Variants in ACOT13 observed in about 807,000 individuals in gnomAD.
ACOT13 encodes acyl-CoA thioesterase 13.
A neutral mutation model predicts 11.8 loss-of-function variants in ACOT13; 10 were observed. The ratio of observed to expected loss-of-function variants is 0.85; its 90% CI spans 0.53 to 1.44. The LOEUF (loss-of-function observed/expected upper bound fraction) is 1.44. ACOT13 is among the 40% of genes most tolerant of loss of function. The pLI, the probability that ACOT13 is intolerant of heterozygous loss-of-function variation, is 0.00. For missense variants in ACOT13, 172 were observed against 174.1 expected, an observed-to-expected ratio of 0.99 and a Z score of 0.07; for synonymous variants, 53 against 61.0, an observed-to-expected ratio of 0.87 and a Z score of 0.61.
At chr6:24,675,000 A>T (rs1404848314) in intron 1 of ACOT13, among the ~76,000 whole-genome samples, 1 of 150,180 alleles carries the variant, frequency 6.7e-6, no homozygotes, top group Non-Finnish European at 1.5e-5. Context: ...TCTTTCCTTG[A>T]AATAGTTTGC....
At chr6:24,700,278 G>C (rs920595753) in intron 2 of ACOT13, among the ~76,000 whole-genome samples, 3 of 152,148 alleles carry the variant, frequency 2.0e-5, no homozygotes, top group Non-Finnish European at 4.4e-5. Flanking sequence ...GTTAATGGCT[G>C]TTAGCCAAAA....
intron 1 of ACOT13, chr6:24,687,421 A>T: frequency 8.2e-7 from 1 of 1,221,470 alleles, no homozygotes; most frequent in Non-Finnish European, 1.0e-6. Context: ...GTGGAGGAAC[A>T]TACGTTGGGA....
intron 1 of ACOT13, among the ~76,000 whole-genome samples, chr6:24,667,827 C>G (rs1267079400): frequency 6.6e-6 from 1 of 152,200 alleles, no homozygotes; most frequent in African/African-American, 2.4e-5. Context: ...CACCCAACTC[C>G]TGAAGAAGTA....
At chr6:24,671,046 C>T (rs954371046) in intron 1 of ACOT13, among the ~76,000 whole-genome samples, 10 of 152,108 alleles carry the variant, frequency 6.6e-5, no homozygotes, top group Non-Finnish European at 1.5e-4. Context: ...TTGTGGAAGA[C>T]ACTGTGGTGA....
intron 1 of ACOT13, chr6:24,687,802 C>T: frequency 8.8e-7 from 1 of 1,136,978 alleles, no homozygotes. Flanking sequence ...ACCTCTGCCT[C>T]CCAGGTTCAA....
chr6:24,669,336 C>A (rs866015439), intron 1 of ACOT13, among the ~76,000 whole-genome samples: 3 of 152,132 alleles, frequency 2.0e-5, no homozygotes, highest in African/African-American at 7.2e-5. Context: ...TTCCAGGTCA[C>A]GGGTAGGTGG....
chr6:24,677,481 C>A (rs1289067098), intron 1 of ACOT13, among the ~76,000 whole-genome samples: 1 of 152,238 alleles, frequency 6.6e-6, no homozygotes, highest in East Asian at 1.9e-4. Flanking sequence ...TACCCGTAAA[C>A]AATGAGGCCA....
chr6:24,672,547 G>A (rs1214771269), intron 1 of ACOT13, among the ~76,000 whole-genome samples: 2 of 152,234 alleles, frequency 1.3e-5, no homozygotes, highest in Non-Finnish European at 2.9e-5. Flanking sequence ...GCTGAGGCAG[G>A]AGAATCGCTT....
At chr6:24,694,279 C>A (rs915342517) in intron 1 of ACOT13, among the ~76,000 whole-genome samples, 6 of 152,158 alleles carry the variant, frequency 3.9e-5, no homozygotes, top group Non-Finnish European at 8.8e-5. Flanking sequence ...GACCCCTTGA[C>A]ATCATAAAAG....
chr6:24,673,689 G>A (rs1282405360), intron 1 of ACOT13, among the ~76,000 whole-genome samples: 2 of 152,176 alleles, frequency 1.3e-5, no homozygotes, highest in Non-Finnish European at 1.5e-5. Context: ...TTAAGAGTAA[G>A]TTAACCCCTT....
chr6:24,701,236 T>G, intron 2 of ACOT13: 1 of 341,788 alleles, frequency 2.9e-6, no homozygotes, highest in Non-Finnish European at 5.2e-6. Context: ...GAAAACCTCT[T>G]CTCACATATT....
In ACOT13 at chr6:24,704,711, T is replaced by C. The variant is rs1279497935; in HGVS notation, c.*3096T>C. ...TGCTAACTGTTGAAAGCTGACAGTA[T>C]GTTCTTGATTCCTGTTCTTGTTGAA... On this transcript the variant is annotated 3_prime_UTR_variant, in exon 3 of 3. Coordinates refer to ENST00000230048, the MANE Select transcript of ACOT13 (RefSeq NM_018473.4). 1 of 152,246 alleles carries C rather than the reference T, an allele frequency of 6.6e-6. No individual in the cohort carries two copies. Among genetic ancestry groups the C allele is most frequent in the Non-Finnish European group, 1.5e-5 (1 of 68,038 alleles). 9.4% of individuals were successfully genotyped at this position (152,246 alleles called of 1,614,324 possible). A position where few individuals can be genotyped will look rare whatever the true frequency, so the allele number is the denominator to read the frequency against.
chr6:24,685,856 A>G (rs999857331), intron 1 of ACOT13, among the ~76,000 whole-genome samples: 2 of 152,276 alleles, frequency 1.3e-5, no homozygotes, highest in Admixed American at 6.5e-5. Context: ...ATGCAGTCCA[A>G]ATGTTCATAG....
intron 1 of ACOT13, 105 bp downstream of exon 1, chr6:24,667,449 G>A: frequency 1.0e-6 from 1 of 990,462 alleles, no homozygotes; most frequent in Non-Finnish European, 1.6e-6. Context: ...GTTAGGTTGT[G>A]TTCTAGTACG....
intron 1 of ACOT13, among the ~76,000 whole-genome samples, chr6:24,671,225 A>G (rs774774344): frequency 3.3e-5 from 5 of 152,208 alleles, no homozygotes; most frequent in Non-Finnish European, 5.9e-5. Flanking sequence ...ATGTCCATCA[A>G]TGATAGACTG....
At chr6:24,699,934 T>A (rs967140186) in intron 2 of ACOT13, among the ~76,000 whole-genome samples, 12 of 152,200 alleles carry the variant, frequency 7.9e-5, no homozygotes, top group African/African-American at 2.9e-4. Context: ...CAAAAACTGA[T>A]TCACTTCAAC....
chr6:24,694,580 A>G lies in ACOT13; in HGVS notation c.82-3303A>G, dbSNP rs535661709. The stretch of plus-strand genomic sequence containing the variant: ...TGTGCCCTACAGCCCATCTTTACCA[A>G]GGCTGAGATGTTTTTTTCACAAGGT... On this transcript the variant is annotated intron_variant, in intron 1 of 2. Transcript: ENST00000230048. Among the ~76,000 whole-genome samples the G allele has an allele frequency of 2.6e-5, 4 of 152,286 alleles. No individual in the cohort carries two copies. In the South Asian group the frequency reaches 8.3e-4, roughly 32 times the overall value.
At chr6:24,697,148 T>C (rs1778808812) in intron 1 of ACOT13, among the ~76,000 whole-genome samples, 1 of 152,256 alleles carries the variant, frequency 6.6e-6, no homozygotes, top group South Asian at 2.1e-4. Context: ...ATACTTACTA[T>C]AAATGGGCCA....
chr6:24,679,568 A>G (rs994683232), intron 1 of ACOT13, among the ~76,000 whole-genome samples: 2 of 152,196 alleles, frequency 1.3e-5, no homozygotes, highest in African/African-American at 4.8e-5. Context: ...CACACAAGTT[A>G]GCAAATGTCT....
Sources: gnomAD v4.1 joint callset for allele counts (sites outside exome capture counted in the v4.1 genomes callset) on GRCh38, gnomAD v4.1.1 for gene constraint, MANE v1.5 for transcripts, NCBI Gene and HGNC (gene_info 2026-07-23, HGNC 2026-07-21) for gene names.